Variants in SUPT16H observed in about 807,000 individuals in gnomAD.
SUPT16H encodes the protein SPT16 homolog, facilitates chromatin remodeling subunit, also known as FACT complex subunit SPT16.
Under a neutral mutation model 136.2 loss-of-function variants are expected in SUPT16H, and 24 were observed. The ratio of observed to expected loss-of-function variants is 0.18; its 90% CI spans 0.13 to 0.25. The LOEUF (loss-of-function observed/expected upper bound fraction) is 0.25, where lower values mean the gene tolerates loss of function less well. SUPT16H is among the 10% of genes least tolerant of loss of function. SUPT16H has a pLI of 1.00. For synonymous variants in SUPT16H, 415 were observed against 428.2 expected (o/e 0.97, Z 0.38); for missense variants, 623 against 1,270.2 (o/e 0.49, Z 7.74).
At chr14:21,376,291 G>T (rs1035555426) in intron 1 of SUPT16H, among the ~76,000 whole-genome samples, 1 of 152,174 alleles carries the variant, frequency 6.6e-6, no homozygotes, top group East Asian at 1.9e-4. Context: ...TTGAAATCAA[G>T]ATGTGTGAGT....
chr14:21,382,790 G>A (rs527843974), intron 1 of SUPT16H, among the ~76,000 whole-genome samples: 1 of 152,020 alleles, frequency 6.6e-6, no homozygotes, highest in Non-Finnish European at 1.5e-5. Context: ...TTCATAAAAT[G>A]CAAGAGAATC....
intron 16 of SUPT16H, 43 bp from the exon 17 acceptor site, chr14:21,361,015 C>T: frequency 1.9e-6 from 3 of 1,610,580 alleles, no homozygotes; most frequent in Non-Finnish European, 2.5e-6. Context: ...CATATCCTTA[C>T]AAGTCTCCAA....
In SUPT16H at chr14:21,372,352, A is replaced by G. The variant is rs142414059; in HGVS notation, c.160-308T>C. ...ATAGGAAGTATATCAATGTTTAGTG[A>G]TACAGAAATGCATAAAACAAGGGAC... On this transcript the variant is annotated intron_variant, in intron 2 of 25. Coordinates refer to ENST00000216297, the MANE Select transcript of SUPT16H (RefSeq NM_007192.4). 2.0e-3 allele frequency: 650 copies of G among 329,084 alleles called. 3 individuals carry two copies. Among genetic ancestry groups the G allele is most frequent in the Non-Finnish European group, 2.7e-3 (477 of 175,740 alleles). The allele number at this position is 329,084 out of a possible 1,614,324, so 20.4% of individuals were successfully genotyped here.
intron 7 of SUPT16H, among the ~76,000 whole-genome samples, chr14:21,367,806 A>C (rs1239647713): frequency 6.6e-6 from 1 of 152,250 alleles, no homozygotes; most frequent in African/African-American, 2.4e-5. Flanking sequence ...ATGCAGATTC[A>C]AGACCTAGAT....
At position 21,366,491 on chromosome 14, in the gene SUPT16H, C is replaced by T. The variant is rs200651162; in HGVS notation, c.994G>A (p.Val332Met). ...AGTTCTGGCTTCTGCTTTTTAACCACGTCCATGACAGCGTTATACACGTCA... is the reference window on the plus strand; with the variant it reads ...AGTTCTGGCTTCTGCTTTTTAACCATGTCCATGACAGCGTTATACACGTCA... ...ICDVYNAVMD[V>M]VKKQKPELLN... The change falls in exon 8 of 26, where the codon GTG becomes ATG. Residue 332 changes from valine (V) to methionine (M), a missense_variant. By Grantham distance (21) the Val-to-Met change is conservative (BLOSUM62 1). This residue lies in a region of SUPT16H where 343 missense variants were observed against 525.7 expected (regional missense o/e 0.65). Transcript: ENST00000216297. 88 of 1,613,988 alleles carry T rather than the reference C, an allele frequency of 5.5e-5. No individual in the cohort carries two copies. Among genetic ancestry groups the T allele is most frequent in the Non-Finnish European group, 7.2e-5 (85 of 1,180,026 alleles).
At chr14:21,357,153 A>G (rs1566381773) in intron 22 of SUPT16H, 44 bp downstream of exon 22, 3 of 1,482,402 alleles carry the variant, frequency 2.0e-6, no homozygotes, top group Admixed American at 2.3e-5. Flanking sequence ...TCTATAAAAC[A>G]GGGCTCATGG....
chr14:21,362,685 T>C, intron 14 of SUPT16H, 109 bp downstream of exon 14: 1 of 1,281,778 alleles, frequency 7.8e-7, no homozygotes, highest in Non-Finnish European at 1.1e-6. Flanking sequence ...GAACAGAGTC[T>C]GAAGGAGTCA....
chr14:21,371,897 T>C lies in SUPT16H; in HGVS notation c.307A>G (p.Ile103Val). The C allele has an allele frequency of 6.2e-7, 1 of 1,614,106 alleles. No individual in the cohort carries two copies. Among genetic ancestry groups the C allele is most frequent in the Non-Finnish European group, 8.5e-7 (1 of 1,180,010 alleles). Reference protein sequence around the residue: ...GNENANGAPAITLLIREKNES... With the variant: ...GNENANGAPAVTLLIREKNES... ...ACCTTTTCTCGTATTAGCAGTGTGATGGCAGGGGCTCCATTAGCATTCTCA... is the reference window on the plus strand; with the variant it reads ...ACCTTTTCTCGTATTAGCAGTGTGACGGCAGGGGCTCCATTAGCATTCTCA... The change falls in exon 3 of 26, where the codon ATC (isoleucine) becomes GTC (valine). Residue 103 changes from isoleucine (I) to valine (V), a missense_variant. Transcript: ENST00000216297.
At chr14:21,372,655 C>A (rs890868946) in intron 2 of SUPT16H, 4 of 453,594 alleles carry the variant, frequency 8.8e-6, no homozygotes, top group Non-Finnish European at 1.8e-5. Context: ...GTACCACGTG[C>A]AAGAGGGCTA....
intron 19 of SUPT16H, among the ~76,000 whole-genome samples, chr14:21,359,045 T>A (rs960691099): frequency 6.6e-6 from 1 of 152,250 alleles, no homozygotes; most frequent in Admixed American, 6.5e-5. Context: ...GACCTCGTGA[T>A]CTGCCTGTGT....
At chr14:21,375,054 C>T (rs2139416316) in intron 1 of SUPT16H, among the ~76,000 whole-genome samples, 1 of 152,148 alleles carries the variant, frequency 6.6e-6, no homozygotes, top group East Asian at 1.9e-4. Flanking sequence ...CGCTCTATCA[C>T]CCAGGCTGGA....
chr14:21,363,214 T>C lies in SUPT16H; in HGVS notation c.1395+19A>G. 1 of 1,614,144 alleles carries C rather than the reference T, an allele frequency of 6.2e-7. No homozygotes were observed. The highest frequency in any genetic ancestry group is 1.7e-5 in the Admixed American group (1 of 60,016). ...CATATGACAGCCGAGATCAATGTAA[T>C]TTAAAATAGTAAACTTACTCTTGTT... On this transcript the variant is annotated intron_variant, in intron 12 of 25. Transcript: ENST00000216297.
intron 2 of SUPT16H, chr14:21,372,477 C>G: frequency 3.2e-6 from 1 of 313,126 alleles, no homozygotes; most frequent in Non-Finnish European, 6.3e-6. Flanking sequence ...ACCTTCCTTT[C>G]AGGTAAGTAT....
chr14:21,380,429 T>C (rs919266299), intron 1 of SUPT16H, among the ~76,000 whole-genome samples: 21 of 151,552 alleles, frequency 1.4e-4, no homozygotes, highest in African/African-American at 4.8e-4. Context: ...TAAGCTACTA[T>C]GTATTTTTTA....
chr14:21,379,975 G>A (rs906608854), intron 1 of SUPT16H, among the ~76,000 whole-genome samples: 1 of 152,200 alleles, frequency 6.6e-6, no homozygotes, highest in African/African-American at 2.4e-5. Flanking sequence ...GTGAGTGGAA[G>A]TAATCCACTG....
chr14:21,354,692 A>G, intron 22 of SUPT16H, 152 bp from the exon 23 acceptor site: 5 of 847,792 alleles, frequency 5.9e-6, no homozygotes, highest in Non-Finnish European at 8.4e-6. Context: ...CCTAGGTTCA[A>G]GTGATTCTCC....
intron 22 of SUPT16H, among the ~76,000 whole-genome samples, chr14:21,356,871 T>C (rs1340467035): frequency 6.6e-6 from 1 of 152,230 alleles, no homozygotes; most frequent in African/African-American, 2.4e-5. Context: ...CTTGTGCCTG[T>C]AATCCTGGTA....
In SUPT16H at chr14:21,368,332, C is replaced by T; in HGVS notation, c.892G>A (p.Val298Ile). ...RTLMVDPSQE[V>I]QENYNFLLQL... ...AGCAAAAAGTTATAATTTTCTTGAACTTCTTGAGAAGGATCAACCATCAAA... is the reference window on the plus strand; with the variant it reads ...AGCAAAAAGTTATAATTTTCTTGAATTTCTTGAGAAGGATCAACCATCAAA... Residue 298 changes from valine to isoleucine, a missense_variant, in exon 7 of 26, where the codon GTT becomes ATT. Around this residue, in one of 7 missense-constraint regions of SUPT16H, gnomAD observed 343 missense variants for 525.7 expected, o/e 0.65. Transcript: ENST00000216297. 6.2e-7 allele frequency: 1 copy of T among 1,614,096 alleles called. No individual in the cohort carries two copies. Among genetic ancestry groups the T allele is most frequent in the East Asian group, 2.2e-5 (1 of 44,886 alleles).
Position 21,364,866 on chromosome 14 carries a change from G to A in SUPT16H, c.1194C>T (p.Thr398=), listed in dbSNP as rs573962326. ...NKEGKKPEEK[T]YALFIGDTVL... ...CTGTGTCACCAATGAACAGGGCATA[G>A]GTTTTCTCTTCTGGCTTTTTCCCCT... is the stretch of plus-strand genomic sequence containing the variant. The change falls in exon 10 of 26, where the codon ACC becomes ACT. Residue 398 remains threonine (T), a synonymous_variant. Coordinates refer to ENST00000216297, the MANE Select transcript of SUPT16H (RefSeq NM_007192.4). 4.3e-4 allele frequency: 691 copies of A among 1,612,972 alleles called. 2 individuals carry two copies. Among genetic ancestry groups the A allele is most frequent in the Middle Eastern group, 2.0e-4 (1 of 5,090 alleles).
Sources: gnomAD v4.1 joint callset for allele counts (sites outside exome capture counted in the v4.1 genomes callset) on GRCh38, gnomAD v4.1.1 for gene constraint, gnomAD v4.1.1 regional missense constraint, MANE v1.5 for transcripts, NCBI Gene and HGNC (gene_info 2026-07-23, HGNC 2026-07-21) for gene names.